STAU1: variants seen among roughly 807,000 people sequenced by gnomAD.
STAU1 encodes staufen double-stranded RNA binding protein 1.
A neutral mutation model predicts 62.9 loss-of-function variants in STAU1; 13 were observed. The ratio of observed to expected loss-of-function variants is 0.21; its 90% CI spans 0.13 to 0.33. STAU1 has a LOEUF of 0.33. Ranked by LOEUF, STAU1 falls within the 10% of genes least tolerant of loss-of-function variation. The probability of loss-of-function intolerance (pLI) is 1.00; values close to 1 mark genes in which losing one functional copy is unlikely to be tolerated. For missense variants in STAU1, 571 were observed against 712.1 expected, an observed-to-expected ratio of 0.80 and a Z score of 2.25; for synonymous variants, 269 against 265.1, an observed-to-expected ratio of 1.01 and a Z score of -0.14.
In STAU1 at chr20:49,117,382, C is replaced by CT; in HGVS notation, c.1510-135_1510-134insA. On this transcript the variant is annotated intron_variant, in intron 11 of 13. Transcript: ENST00000371856. The surrounding 1 kb of genome is among the most constrained non-coding windows in gnomAD (Gnocchi z 4.6). ...CTCAGCCCCACTGTGGCCATACTAA[C>CT]ACCTGCCCTGTCAGCCCAGAACCTT... 1 of 1,119,608 alleles carries CT rather than the reference C, an allele frequency of 8.9e-7. No individual in the cohort carries two copies. The highest frequency in any genetic ancestry group is 1.3e-6 in the Non-Finnish European group (1 of 779,326). 69.4% of individuals were successfully genotyped at this position (1,119,608 alleles called of 1,614,324 possible). A position where few individuals can be genotyped will look rare whatever the true frequency, so the allele number is the denominator to read the frequency against.
chr20:49,151,333 G>A (rs954968750), intron 5 of STAU1, among the ~76,000 whole-genome samples: 8 of 152,104 alleles, frequency 5.3e-5, no homozygotes, highest in African/African-American at 1.2e-4. Flanking sequence ...TGTTCACACC[G>A]TATCATGTCA....
At chr20:49,134,896 G>A (rs962605406) in intron 6 of STAU1, 18 of 1,590,210 alleles carry the variant, frequency 1.1e-5, no homozygotes, top group Non-Finnish European at 1.4e-5. Flanking sequence ...TAAGGCAAGA[G>A]ACTGGACTGA....
At chr20:49,154,478 T>C (rs1013479491) in intron 3 of STAU1, among the ~76,000 whole-genome samples, 2 of 152,248 alleles carry the variant, frequency 1.3e-5, no homozygotes, top group East Asian at 1.9e-4. Flanking sequence ...TACAGGATTA[T>C]TGGCTTGCAC....
At chr20:49,202,253 AG>A in the STAU1 span, among the ~76,000 whole-genome samples, 1 of 147,856 alleles carries the variant, frequency 6.8e-6, no homozygotes, top group Non-Finnish European at 1.5e-5. Flanking sequence ...AAAGAAAGAA[AG>A]AAAGAATCAA....
intron 1 of STAU1, among the ~76,000 whole-genome samples, chr20:49,177,099 G>A (rs1422183854): frequency 6.6e-6 from 1 of 151,924 alleles, no homozygotes; most frequent in African/African-American, 2.4e-5. Flanking sequence ...TTTTAGTAGA[G>A]ATGGGTCTCA....
upstream of STAU1, among the ~76,000 whole-genome samples, chr20:49,189,410 G>A (rs1032310553): frequency 6.6e-6 from 1 of 151,246 alleles, no homozygotes; most frequent in African/African-American, 2.4e-5. Flanking sequence ...CGAGGTGGGC[G>A]GATCACCTGA....
At chr20:49,205,799 C>T in the STAU1 span, among the ~76,000 whole-genome samples, 6 of 149,956 alleles carry the variant, frequency 4.0e-5, no homozygotes, top group South Asian at 2.1e-4. Flanking sequence ...CTCAGCCTCC[C>T]GAGTAGCTGG....
chr20:49,170,974 A>G (rs1057350804), intron 2 of STAU1, among the ~76,000 whole-genome samples: 1 of 152,218 alleles, frequency 6.6e-6, no homozygotes, highest in Non-Finnish European at 1.5e-5. Context: ...CAATTCTAAA[A>G]TATATTCACT....
chr20:49,191,607 G>T (rs534571505), upstream of STAU1, among the ~76,000 whole-genome samples: 1 of 152,172 alleles, frequency 6.6e-6, no homozygotes, highest in Non-Finnish European at 1.5e-5. Context: ...GTTGATTGGT[G>T]TATGTCAGGG....
chr20:49,202,219 CAA>C, the STAU1 span, among the ~76,000 whole-genome samples: 6 of 80,318 alleles, frequency 7.5e-5, no homozygotes, highest in Admixed American at 3.6e-4. Context: ...GACTCCATCT[CAA>C]AAAAAAAAAA....
intron 2 of STAU1, among the ~76,000 whole-genome samples, chr20:49,172,353 G>A (rs1209748658): frequency 2.0e-5 from 3 of 152,086 alleles, no homozygotes; most frequent in African/African-American, 7.2e-5. Flanking sequence ...CCTTCTCTAG[G>A]AGACATTCTC....
chr20:49,169,594 T>C (rs1031501220), intron 2 of STAU1, among the ~76,000 whole-genome samples: 1 of 152,152 alleles, frequency 6.6e-6, no homozygotes, highest in African/African-American at 2.4e-5. Context: ...TTTGTTAGAG[T>C]CTTCTTAGAG....
intron 3 of STAU1, among the ~76,000 whole-genome samples, chr20:49,156,730 T>C (rs1269883890): frequency 1.3e-5 from 2 of 152,208 alleles, no homozygotes; most frequent in Non-Finnish European, 2.9e-5. Flanking sequence ...CTGTAATATG[T>C]CACTTGAACC....
In STAU1 at chr20:49,117,879, C is replaced by G. The variant is rs1568814954; in HGVS notation, c.1407G>C (p.Glu469Asp). The change falls in exon 11 of 14, where the codon GAG becomes GAC. Residue 469 changes from glutamate (E) to aspartate (D), a missense_variant. By Grantham distance (45) the Glu-to-Asp change is conservative. Around this residue, in one of 3 missense-constraint regions of STAU1, gnomAD observed 156 missense variants for 194.7 expected, o/e 0.80. Transcript: ENST00000371856. The surrounding 1 kb of genome is among the most constrained non-coding windows in gnomAD (Gnocchi z 4.6). ...LLYGGTSPTA[E>D]TILKNNISSG... ...AAGAGATGTTATTCTTTAAAATGGT[C>G]TCGGCTGTGGGCGAGGTGCCCCCAT... 2 of 1,614,038 alleles carry G rather than the reference C, an allele frequency of 1.2e-6. No homozygotes were observed. Among genetic ancestry groups the G allele is most frequent in the Non-Finnish European group, 1.7e-6 (2 of 1,180,048 alleles).
chr20:49,148,642 C>T (rs765271216), intron 5 of STAU1, among the ~76,000 whole-genome samples: 7 of 152,212 alleles, frequency 4.6e-5, no homozygotes, highest in Non-Finnish European at 8.8e-5. Context: ...AGAGAAGAAA[C>T]GCCAAAGGGC....
At position 49,120,345 on chromosome 20, in the gene STAU1, A is replaced by G. The variant is rs186879260; in HGVS notation, c.967-217T>C. On this transcript the variant is annotated intron_variant, in intron 8 of 13. Transcript: ENST00000371856. ...CAGCCAGTATTAAACATTTAATTATATAAGCTGATAATTATTTTAACAGAG... is the reference window on the plus strand; with the variant it reads ...CAGCCAGTATTAAACATTTAATTATGTAAGCTGATAATTATTTTAACAGAG... Among the ~76,000 whole-genome samples the G allele has an allele frequency of 2.3e-4, 35 of 152,344 alleles. No individual in the cohort carries two copies. In the East Asian group the frequency reaches 6.6e-3, roughly 29 times the overall value.
At chr20:49,157,492 T>A (rs541800315) in intron 3 of STAU1, among the ~76,000 whole-genome samples, 30 of 152,084 alleles carry the variant, frequency 2.0e-4, no homozygotes, top group South Asian at 4.1e-4. Context: ...TTTTTTTTTT[T>A]ATTTTTTTGA....
In STAU1 at chr20:49,117,358, T is replaced by C. The variant is rs1452885887; in HGVS notation, c.1510-110A>G. 4 of 1,383,914 alleles carry C rather than the reference T, an allele frequency of 2.9e-6. No homozygotes were observed. Among genetic ancestry groups the C allele is most frequent in the Non-Finnish European group, 2.0e-6 (2 of 1,001,760 alleles). The allele number at this position is 1,383,914 out of a possible 1,614,324, so 85.7% of individuals were successfully genotyped here. A position where few individuals can be genotyped will look rare whatever the true frequency, so the allele number is the denominator to read the frequency against. ...AAGATCACCAGCTCTTTTTTCCAAC[T>C]CAGCCCCACTGTGGCCATACTAACA... On this transcript the variant is annotated intron_variant, in intron 11 of 13. Coordinates refer to ENST00000371856, the MANE Select transcript of STAU1 (RefSeq NM_017453.4). The surrounding 1 kb of genome is among the most constrained non-coding windows in gnomAD (Gnocchi z 4.6).
the STAU1 span, among the ~76,000 whole-genome samples, chr20:49,219,011 C>T: frequency 1.1e-5 from 1 of 94,698 alleles, no homozygotes; most frequent in Non-Finnish European, 1.9e-5. Context: ...CAAACCCTGC[C>T]TCAAAAAAAA....
Sources: gnomAD v4.1 joint callset for allele counts (sites outside exome capture counted in the v4.1 genomes callset) on GRCh38, gnomAD v4.1.1 for gene constraint, gnomAD v4.1.1 regional missense constraint, Gnocchi (gnomAD v3.1) non-coding constraint, MANE v1.5 for transcripts, NCBI Gene and HGNC (gene_info 2026-07-23, HGNC 2026-07-21) for gene names.